Variants in CD4 observed in about 807,000 individuals in gnomAD.
CD4 encodes the protein T-cell surface glycoprotein CD4.
CD4 carries 25 observed loss-of-function variants against 50.5 expected under a neutral mutation model. The observed-to-expected ratio is 0.49, with a 90% CI of 0.36 to 0.69. The LOEUF is 0.69. Among genes scored for constraint, CD4 ranks in the 30% least tolerant of loss-of-function variants. CD4 has a pLI of 0.00. For synonymous variants in CD4, 207 were observed against 221.9 expected (o/e 0.93, Z 0.60); for missense variants, 456 against 548.5 (o/e 0.83, Z 1.68).
At chr12:6,806,824 G>A (rs1186422559) in intron 3 of CD4, among the ~76,000 whole-genome samples, 7 of 152,198 alleles carry the variant, frequency 4.6e-5, no homozygotes, top group African/African-American at 1.7e-4. Flanking sequence ...ATTGGTGGGA[G>A]GCTAAAATGG....
In CD4 at chr12:6,793,888, A is replaced by G. The variant is rs548037893; in HGVS notation, c.-68+4226A>G. Among the ~76,000 whole-genome samples the G allele has an allele frequency of 1.6e-4, 24 of 151,244 alleles. No individual in the cohort carries two copies. In the South Asian group the frequency reaches 4.6e-3, roughly 29 times the overall value. On this transcript the variant is annotated intron_variant, in intron 1 of 9. Transcript: ENST00000011653. ...GGCTGGTCTCAAACTCCTGGCCTCA[A>G]GTGATCTGCCTGCCTCGGCCTCCCA...
rs1943144665 is a variant in CD4 at position 6,818,063 on chromosome 12, C to T, written c.1157-358C>T. Among the ~76,000 whole-genome samples, 1 of 146,078 alleles carries T rather than the reference C, an allele frequency of 6.8e-6. No homozygotes were observed. The highest frequency in any genetic ancestry group is 1.5e-5 in the Non-Finnish European group (1 of 66,054). On this transcript the variant is annotated intron_variant, in intron 7 of 9. Transcript: ENST00000011653. This position sits in a 1 kb window ranked among gnomAD's most constrained non-coding sequence, Gnocchi z 5.0. Reference sequence around the variant, plus strand: ...ACACATTCACACACATGCACACACGCACACACATTCACACATGGACTCACA... The same window carrying T: ...ACACATTCACACACATGCACACACGTACACACATTCACACATGGACTCACA...
At chr12:6,813,290 C>T (rs1555117314) in intron 3 of CD4, among the ~76,000 whole-genome samples, 1 of 150,560 alleles carries the variant, frequency 6.6e-6, no homozygotes, top group African/African-American at 2.4e-5. Context: ...CTCCTGGGCA[C>T]AAACAATCTT....
At position 6,800,054 on chromosome 12, in the gene CD4, G is replaced by A. The variant is rs200104291; in HGVS notation, c.-67-18G>A. On this transcript the variant is annotated intron_variant, in intron 1 of 9. Coordinates refer to ENST00000011653, the MANE Select transcript of CD4 (RefSeq NM_000616.5). ...GTCCAGTAAATGTTTGCTGACTAAT[G>A]ATTGGCATTTCCCTCAGGCCCTGCC... 4.2e-6 allele frequency: 5 copies of A among 1,199,806 alleles called. No homozygotes were observed. Among genetic ancestry groups the A allele is most frequent in the Non-Finnish European group, 6.2e-6 (5 of 805,534 alleles). 74.3% of individuals were successfully genotyped at this position (1,199,806 alleles called of 1,614,324 possible). A position where few individuals can be genotyped will look rare whatever the true frequency, so the allele number is the denominator to read the frequency against.
chr12:6,810,221 A>C (rs1942897956), intron 3 of CD4, among the ~76,000 whole-genome samples: 2 of 152,160 alleles, frequency 1.3e-5, no homozygotes, highest in South Asian at 4.1e-4. Context: ...TCTTCATTCA[A>C]TACCAGTTGT....
At chr12:6,807,830 C>T (rs1179842744) in intron 3 of CD4, among the ~76,000 whole-genome samples, 4 of 152,146 alleles carry the variant, frequency 2.6e-5, no homozygotes, top group African/African-American at 9.7e-5. Flanking sequence ...TCTGTAATCT[C>T]AGCTCTTTGG....
chr12:6,814,701 T>A lies in CD4; in HGVS notation c.374-58T>A, dbSNP rs1943039296. The A allele has an allele frequency of 1.5e-5, 19 of 1,249,830 alleles. No homozygotes were observed. The East Asian group carries it at 4.4e-4, about 29-fold the overall frequency. 77.4% of individuals were successfully genotyped at this position (1,249,830 alleles called of 1,614,324 possible). On this transcript the variant is annotated intron_variant, in intron 4 of 9. Coordinates refer to ENST00000011653, the MANE Select transcript of CD4 (RefSeq NM_000616.5). Reference sequence around the variant, plus strand: ...GAGAGATGTTGTTGGTTTCCTGTTGTCTGCCCTTCTCCTTGGGGATGGTAT... The same window carrying A: ...GAGAGATGTTGTTGGTTTCCTGTTGACTGCCCTTCTCCTTGGGGATGGTAT...
chr12:6,808,498 T>A (rs1185306483), intron 3 of CD4, among the ~76,000 whole-genome samples: 1 of 149,308 alleles, frequency 6.7e-6, no homozygotes, highest in African/African-American at 2.4e-5. Context: ...GTTTACCTTT[T>A]TTTTTAAATT....
intron 1 of CD4, among the ~76,000 whole-genome samples, chr12:6,790,532 C>T (rs889993764): frequency 6.6e-6 from 1 of 152,154 alleles, no homozygotes. Flanking sequence ...GAAACGGATT[C>T]GAAAAGAATT....
At chr12:6,794,727 TTTATC>T (rs908649385) in intron 1 of CD4, among the ~76,000 whole-genome samples, 1 of 151,580 alleles carries the variant, frequency 6.6e-6, no homozygotes, top group Non-Finnish European at 1.5e-5. Context: ...ATTTTATCTG[TTTATC>T]TTATCTATCA....
intron 3 of CD4, among the ~76,000 whole-genome samples, chr12:6,803,200 G>T (rs180728700): frequency 6.6e-6 from 1 of 152,088 alleles, no homozygotes; most frequent in African/African-American, 2.4e-5. Flanking sequence ...GCCTAGGCTG[G>T]AGTGCAGTGG....
In CD4 at chr12:6,800,486, C is replaced by A; in HGVS notation, c.214+15C>A. On this transcript the variant is annotated intron_variant, in intron 3 of 9. Transcript: ENST00000011653. ...CTTAACTAAAGGTAGGGTTGCCTGG[C>A]TCCCCATCCAGGGAGGAAAACACAC... 6.2e-7 allele frequency: 1 copy of A among 1,606,466 alleles called. No individual in the cohort carries two copies. The highest frequency in any genetic ancestry group is 8.5e-7 in the Non-Finnish European group (1 of 1,176,478).
At position 6,820,274 on chromosome 12, in the gene CD4, A is replaced by G. The variant is rs1360878787; in HGVS notation, c.*945A>G. On this transcript the variant is annotated 3_prime_UTR_variant, in exon 10 of 10. Coordinates refer to ENST00000011653, the MANE Select transcript of CD4 (RefSeq NM_000616.5). The stretch of plus-strand genomic sequence containing the variant: ...AGGGATGAAGGCCTCCCTGTCTAAA[A>G]TCCCTCCTTCATCCCCCGCTGGTGG... The G allele has an allele frequency of 6.6e-6, 1 of 152,212 alleles. No individual in the cohort carries two copies. The highest frequency in any genetic ancestry group is 1.5e-5 in the Non-Finnish European group (1 of 68,028). 9.4% of individuals were successfully genotyped at this position (152,212 alleles called of 1,614,324 possible). A position where few individuals can be genotyped will look rare whatever the true frequency, so the allele number is the denominator to read the frequency against.
chr12:6,816,000 C>G, intron 5 of CD4, 56 bp from the exon 6 acceptor site: 5 of 1,607,768 alleles, frequency 3.1e-6, no homozygotes, highest in Non-Finnish European at 4.2e-6. Context: ...CAACCCCACT[C>G]GTGCACCCTC....
At chr12:6,801,415 G>T (rs1942542869) in intron 3 of CD4, among the ~76,000 whole-genome samples, 1 of 148,888 alleles carries the variant, frequency 6.7e-6, no homozygotes, top group South Asian at 2.2e-4. Context: ...TACTCAGGAG[G>T]CTGAGGCAGG....
At chr12:6,806,855 G>C (rs1256231584) in intron 3 of CD4, among the ~76,000 whole-genome samples, 8 of 152,198 alleles carry the variant, frequency 5.3e-5, no homozygotes, top group Non-Finnish European at 1.2e-4. Context: ...CTGGAAAACA[G>C]TTTGATAGTT....
At position 6,819,923 on chromosome 12, in the gene CD4, G is replaced by A. The variant is rs1555118791; in HGVS notation, c.*594G>A. 6.5e-6 allele frequency: 1 copy of A among 153,140 alleles called. No homozygotes were observed. The highest frequency in any genetic ancestry group is 1.9e-4 in the East Asian group (1 of 5,208). The allele number at this position is 153,140 out of a possible 1,614,324, so 9.5% of individuals were successfully genotyped here. On this transcript the variant is annotated 3_prime_UTR_variant, in exon 10 of 10. Coordinates refer to ENST00000011653, the MANE Select transcript of CD4 (RefSeq NM_000616.5). ...CAGCCCCATGTACACGGCCTCAAGG[G>A]ATGTCTCACATCCTCTGTCTATTTG...
At chr12:6,793,967 T>C (rs948149177) in intron 1 of CD4, among the ~76,000 whole-genome samples, 3 of 39,476 alleles carry the variant, frequency 7.6e-5, no homozygotes, top group African/African-American at 6.6e-4. Context: ...CTTCTATCTA[T>C]CTATATCTAT....
chr12:6,798,750 C>A (rs1451264823), intron 1 of CD4: 1 of 152,354 alleles, frequency 6.6e-6, no homozygotes, highest in Non-Finnish European at 1.5e-5. Context: ...ATTTCTACAG[C>A]CACTTGGCTC....
Sources: gnomAD v4.1 joint callset for allele counts (sites outside exome capture counted in the v4.1 genomes callset) on GRCh38, gnomAD v4.1.1 for gene constraint, Gnocchi (gnomAD v3.1) non-coding constraint, MANE v1.5 for transcripts, NCBI Gene and HGNC (gene_info 2026-07-23, HGNC 2026-07-21) for gene names.